The following DBT variants were observed in gnomAD, a reference collection of about 807,000 sequenced individuals.
The protein encoded by DBT is dihydrolipoamide branched chain transacylase E2.
In DBT, 40 loss-of-function variants were observed where a neutral mutation model predicts 51.3. The observed-to-expected ratio is 0.78, with a 90% CI of 0.61 to 1.02. The LOEUF (loss-of-function observed/expected upper bound fraction) is 1.02, where lower values mean the gene tolerates loss of function less well. Ranked by LOEUF, DBT falls within the 50% of genes least tolerant of loss-of-function variation. The probability of loss-of-function intolerance (pLI) is 0.00; values close to 1 mark genes in which losing one functional copy is unlikely to be tolerated. For synonymous variants in DBT, 181 were observed against 190.4 expected (o/e 0.95, Z 0.41); for missense variants, 510 against 580.2 (o/e 0.88, Z 1.24).
chr1:100,209,713 C>T (rs1423298113), intron 8 of DBT, among the ~76,000 whole-genome samples: 2 of 152,084 alleles, frequency 1.3e-5, no homozygotes, highest in Admixed American at 6.6e-5. Flanking sequence ...AGGCGCTGGC[C>T]ACCACGGCTG....
At position 100,191,892 on chromosome 1, in the gene DBT, T is replaced by G. The variant is rs1660829990; in HGVS notation, c.*4363A>C. 6.6e-6 allele frequency: 1 copy of G among 152,016 alleles called. No homozygotes were observed. The highest frequency in any genetic ancestry group is 1.5e-5 in the Non-Finnish European group (1 of 68,088). The allele number at this position is 152,016 out of a possible 1,614,324, so 9.4% of individuals were successfully genotyped here. ...CTTTGCCCCCAGATGCAAGTGATCC[T>G]GCCACCTCAGCCTCCTGAGTAGGTG... On this transcript the variant is annotated 3_prime_UTR_variant, in exon 11 of 11. Coordinates refer to ENST00000370132, the MANE Select transcript of DBT (RefSeq NM_001918.5).
At chr1:100,239,790 G>T (rs1664099373) in intron 2 of DBT, among the ~76,000 whole-genome samples, 1 of 146,904 alleles carries the variant, frequency 6.8e-6, no homozygotes, top group East Asian at 2.0e-4. Context: ...TTGAGCCCAT[G>T]AGTTTGAGGT....
chr1:100,226,861 GAGA>G (rs1399638012), intron 4 of DBT, among the ~76,000 whole-genome samples: 3 of 152,180 alleles, frequency 2.0e-5, no homozygotes, highest in Non-Finnish European at 4.4e-5. Context: ...TTTGAGCATT[GAGA>G]AGAATAATGA....
intron 10 of DBT, among the ~76,000 whole-genome samples, chr1:100,199,913 A>G (rs1661342251): frequency 6.6e-6 from 1 of 152,132 alleles, no homozygotes; most frequent in Non-Finnish European, 1.5e-5. Context: ...AGACCAGGAT[A>G]TTCCCTCGGA....
chr1:100,240,370 A>G (rs1664138694), intron 2 of DBT, among the ~76,000 whole-genome samples: 1 of 152,168 alleles, frequency 6.6e-6, no homozygotes, highest in African/African-American at 2.4e-5. Flanking sequence ...CCAATATTAT[A>G]AAGACACAAG....
intron 8 of DBT, among the ~76,000 whole-genome samples, chr1:100,208,309 T>A (rs1661922262): frequency 6.6e-6 from 1 of 152,184 alleles, no homozygotes; most frequent in African/African-American, 2.4e-5. Flanking sequence ...ATGCAAATAT[T>A]CCATAATCCA....
intron 7 of DBT, among the ~76,000 whole-genome samples, chr1:100,211,753 A>C (rs60787596): frequency 0.026 from 3,962 of 152,234 alleles, 190 homozygotes; most frequent in African/African-American, 0.09. Flanking sequence ...CGAGTTCCTT[A>C]ATTTTTATGA....
Position 100,216,091 on chromosome 1 carries a change from T to TG in DBT, c.663dup (p.Lys222GlnfsTer3), listed in dbSNP as rs2100799811. 1.2e-6 allele frequency: 2 copies of TG among 1,613,668 alleles called. No homozygotes were observed. The highest frequency in any genetic ancestry group is 4.5e-5 in the East Asian group (2 of 44,868). On this transcript the variant is annotated frameshift_variant, in exon 6 of 11. Coordinates refer to ENST00000370132, the MANE Select transcript of DBT (RefSeq NM_001918.5). LOFTEE classifies it high-confidence loss of function. ...GGTGGAGGTGGCATAATTTCAACTT[T>TG]GGGTGAAGGAGGCAATATAGCTCCT...
At position 100,249,784 on chromosome 1, in the gene DBT, T is replaced by C. The variant is rs140308307; in HGVS notation, c.37A>G (p.Asn13Asp). 2.2e-4 allele frequency: 353 copies of C among 1,614,180 alleles called. No homozygotes were observed. In the East Asian group the frequency reaches 6.8e-3, roughly 31 times the overall value. Residue 13 changes from asparagine (N) to aspartate (D), a missense_variant, in exon 1 of 11, where the codon AAT (asparagine) becomes GAT (aspartate). By Grantham distance (23) the Asn-to-Asp change is conservative. Transcript: ENST00000370132. ...AVRMLRTWSR[N>D]AGKLICVRYF... is the part of the protein sequence containing the mutation. ...AACGTGCTTACCAGCTTCCCCGCAT[T>C]CCTGCTCCAGGTTCTCAGCATACGG...
intron 1 of DBT, among the ~76,000 whole-genome samples, chr1:100,247,804 C>G (rs1174792865): frequency 2.7e-5 from 4 of 150,602 alleles, no homozygotes; most frequent in Admixed American, 2.0e-4. Context: ...TGTGAGAAGA[C>G]TAAAGACAAG....
intron 2 of DBT, among the ~76,000 whole-genome samples, chr1:100,239,517 C>T (rs899521353): frequency 6.6e-6 from 1 of 151,738 alleles, no homozygotes; most frequent in Admixed American, 6.6e-5. Context: ...TGGCTCACAC[C>T]TGTAATCCCA....
intron 7 of DBT, 44 bp from the exon 8 acceptor site, chr1:100,210,815 G>C (rs1662091697): frequency 1.9e-6 from 3 of 1,606,184 alleles, no homozygotes; most frequent in Non-Finnish European, 2.6e-6. Flanking sequence ...TTTTAACTTA[G>C]AAAGGATAGA....
intron 2 of DBT, among the ~76,000 whole-genome samples, chr1:100,238,418 CTTCT>C (rs1166017118): frequency 0.052 from 570 of 10,996 alleles, 2 homozygotes; most frequent in Non-Finnish European, 0.14. Flanking sequence ...TCCTTCTCTT[CTTCT>C]TTCTTTTATT....
chr1:100,244,412 G>C (rs1167792978), intron 1 of DBT, among the ~76,000 whole-genome samples: 1 of 152,056 alleles, frequency 6.6e-6, no homozygotes, highest in African/African-American at 2.4e-5. Flanking sequence ...TGAAGAAAAA[G>C]GATTAGGAAA....
At chr1:100,197,929 T>C (rs971372182) in intron 10 of DBT, among the ~76,000 whole-genome samples, 1 of 152,190 alleles carries the variant, frequency 6.6e-6, no homozygotes, top group Non-Finnish European at 1.5e-5. Flanking sequence ...TATTTGTCCC[T>C]ACCCCACAAA....
chr1:100,220,215 G>A (rs1662769043), intron 4 of DBT, among the ~76,000 whole-genome samples: 1 of 151,966 alleles, frequency 6.6e-6, no homozygotes, highest in African/African-American at 2.4e-5. Flanking sequence ...CTCTAGTTCT[G>A]GATTCCTGTT....
chr1:100,221,848 A>G (rs1662872746), intron 4 of DBT, among the ~76,000 whole-genome samples: 1 of 152,232 alleles, frequency 6.6e-6, no homozygotes. Flanking sequence ...ATGAATTGAT[A>G]AAACTGTGAA....
Position 100,198,867 on chromosome 1 carries a change from A to G in DBT, c.1282-2445T>C, listed in dbSNP as rs567522947. ...AGAATTTGTGAGGGTTCCAACACGC[A>G]AGGAATAAACTCATGAGGACAAGTC... On this transcript the variant is annotated intron_variant, in intron 10 of 10. Transcript: ENST00000370132. Among the ~76,000 whole-genome samples, 394 of 152,352 alleles carry G rather than the reference A, an allele frequency of 2.6e-3. 1 individual carries two copies. The highest frequency in any genetic ancestry group is 4.3e-3 in the Admixed American group (65 of 15,294).
intron 1 of DBT, among the ~76,000 whole-genome samples, chr1:100,244,249 A>G (rs1365508008): frequency 6.6e-6 from 1 of 152,186 alleles, no homozygotes; most frequent in African/African-American, 2.4e-5. Context: ...AAACTACAGC[A>G]GAAATTGACT....
Sources: allele counts gnomAD v4.1 joint callset (sites outside exome capture counted in the v4.1 genomes callset), GRCh38; gene constraint gnomAD v4.1.1; transcripts MANE v1.5; gene names NCBI Gene and HGNC (gene_info 2026-07-23, HGNC 2026-07-21).